The following NFKB1 variants were observed in gnomAD, a reference collection of about 807,000 sequenced individuals.
NFKB1 encodes the protein nuclear factor kappa B subunit 1.
NFKB1 carries 9 observed loss-of-function variants against 105.1 expected under a neutral mutation model. The ratio of observed to expected loss-of-function variants is 0.09; its 90% CI spans 0.05 to 0.15. NFKB1 has a LOEUF of 0.15. NFKB1 is among the 10% of genes least tolerant of loss of function. The pLI is 1.00. For missense variants in NFKB1, 830 were observed against 1,203.7 expected (o/e 0.69, Z 4.59); for synonymous variants, 440 against 442.2 (o/e 1.00, Z 0.06).
At chr4:102,586,880 A>G (rs1725751727) in intron 11 of NFKB1, among the ~76,000 whole-genome samples, 1 of 152,226 alleles carries the variant, frequency 6.6e-6, no homozygotes, top group African/African-American at 2.4e-5. Context: ...GCAAGATGTG[A>G]TAGGTAATCT....
intron 11 of NFKB1, 54 bp downstream of exon 11, chr4:102,584,874 G>A: frequency 1.3e-6 from 2 of 1,509,870 alleles, no homozygotes; most frequent in East Asian, 2.4e-5. Context: ...TTTATTTTTG[G>A]TTTTTGTTTT....
intron 6 of NFKB1, among the ~76,000 whole-genome samples, chr4:102,575,271 G>C (rs986249393): frequency 6.6e-6 from 1 of 152,068 alleles, no homozygotes; most frequent in Admixed American, 6.5e-5. Context: ...TTTTTCATCT[G>C]CCTGGACACG....
chr4:102,525,451 A>G, intron 1 of NFKB1, 61 bp from the exon 2 acceptor site: 6 of 1,504,530 alleles, frequency 4.0e-6, no homozygotes, highest in Non-Finnish European at 5.5e-6. Flanking sequence ...TTCCATGGTG[A>G]TAGAATTTTT....
chr4:102,600,292 G>T (rs1727028884), intron 15 of NFKB1, among the ~76,000 whole-genome samples: 1 of 152,192 alleles, frequency 6.6e-6, no homozygotes, highest in Non-Finnish European at 1.5e-5. Context: ...TGCAGGAGTG[G>T]TGGGAAATAC....
At chr4:102,548,905 A>G (rs1722347924) in intron 5 of NFKB1, among the ~76,000 whole-genome samples, 2 of 152,070 alleles carry the variant, frequency 1.3e-5, no homozygotes, top group South Asian at 2.1e-4. Flanking sequence ...TTAACTAATC[A>G]TAATTGCAAC....
intron 5 of NFKB1, among the ~76,000 whole-genome samples, chr4:102,563,569 T>C (rs1006846606): frequency 6.6e-6 from 1 of 152,224 alleles, no homozygotes; most frequent in Non-Finnish European, 1.5e-5. Context: ...TGTTGAGCAT[T>C]GTTGTAAAGG....
chr4:102,521,292 T>C (rs1476751933), intron 1 of NFKB1, among the ~76,000 whole-genome samples: 1 of 152,220 alleles, frequency 6.6e-6, no homozygotes, highest in African/African-American at 2.4e-5. Context: ...AAAATTCCTC[T>C]GTGGAAGAGG....
rs1190478658 is a variant in NFKB1 at position 102,501,451 on chromosome 4, G to A, written c.-345G>A. ...ACAGCTTCCCCTGCCCTTCCCGTCGGTCGGGCCGCCAGCCGCCGCAGCCCT... is the reference window on the plus strand; with the variant it reads ...ACAGCTTCCCCTGCCCTTCCCGTCGATCGGGCCGCCAGCCGCCGCAGCCCT... On this transcript the variant is annotated 5_prime_UTR_variant, in exon 1 of 24. Transcript: ENST00000226574. The A allele has an allele frequency of 2.7e-5, 4 of 150,536 alleles. No homozygotes were observed. The highest frequency in any genetic ancestry group is 9.7e-5 in the African/African-American group (4 of 41,280). 9.3% of individuals were successfully genotyped at this position (150,536 alleles called of 1,614,324 possible).
chr4:102,607,423 G>T, intron 18 of NFKB1, 104 bp downstream of exon 18: 2 of 1,312,286 alleles, frequency 1.5e-6, no homozygotes, highest in South Asian at 2.7e-5. Flanking sequence ...CTTACAATCA[G>T]CTCTATTTGT....
chr4:102,578,892 G>A lies in NFKB1; in HGVS notation c.583G>A (p.Glu195Lys), dbSNP rs2149184636. Residue 195 changes from glutamate (E) to lysine (K), a missense_variant, in exon 8 of 24, where the codon GAG becomes AAG. Transcript: ENST00000226574. Reference protein sequence around the residue: ...GDRQLGDREKELIRQAALQQT... With the variant: ...GDRQLGDREKKLIRQAALQQT... ...CTGTATGGCCCTAGATCGGGAAAAA[G>A]AGCTAATCCGCCAAGCAGCTCTGCA... 6.2e-7 allele frequency: 1 copy of A among 1,614,090 alleles called. No homozygotes were observed. The highest frequency in any genetic ancestry group is 8.5e-7 in the Non-Finnish European group (1 of 1,179,976).
intron 5 of NFKB1, among the ~76,000 whole-genome samples, chr4:102,551,885 A>G (rs1722647986): frequency 6.6e-6 from 1 of 152,222 alleles, no homozygotes; most frequent in Non-Finnish European, 1.5e-5. Flanking sequence ...ATTATATTTA[A>G]AAGATATAAA....
chr4:102,532,436 G>A (rs977804410), intron 3 of NFKB1, among the ~76,000 whole-genome samples: 1 of 152,140 alleles, frequency 6.6e-6, no homozygotes, highest in African/African-American at 2.4e-5. Context: ...AGACCAGCCT[G>A]GCCAAGATGG....
intron 16 of NFKB1, 152 bp from the exon 17 acceptor site, chr4:102,606,344 G>GA (rs1303426021): frequency 5.7e-6 from 4 of 703,958 alleles, no homozygotes; most frequent in Admixed American, 2.2e-5. Context: ...TATGGAACAG[G>GA]ATAACTTGGG....
intron 7 of NFKB1, chr4:102,577,962 A>G: frequency 1.0e-6 from 1 of 985,416 alleles, no homozygotes; most frequent in Non-Finnish European, 1.2e-6. Context: ...TTTTGCCTAC[A>G]AAATCCAAAT....
At chr4:102,606,131 G>GT in intron 16 of NFKB1, among the ~76,000 whole-genome samples, 1 of 152,302 alleles carries the variant, frequency 6.6e-6, no homozygotes, top group South Asian at 2.1e-4. Flanking sequence ...AGAAAAAATT[G>GT]TAAGTATATG....
chr4:102,612,103 A>G lies in NFKB1; in HGVS notation c.2412A>G (p.Leu804=). The change falls in exon 21 of 24, where the codon CTA becomes CTG. Residue 804 remains leucine (L), a synonymous_variant. Transcript: ENST00000226574. ...YEPEFTSDDL[L]AQGDMKQLAE... The stretch of plus-strand genomic sequence containing the variant: ...CAGAGTTTACATCTGATGATTTACT[A>G]GCACAAGGTGGGTTGTGATAAAACC... The G allele has an allele frequency of 1.2e-6, 2 of 1,613,792 alleles. No individual in the cohort carries two copies. Among genetic ancestry groups the G allele is most frequent in the Non-Finnish European group, 1.7e-6 (2 of 1,179,706 alleles).
At chr4:102,509,077 A>G (rs567338368) in intron 1 of NFKB1, among the ~76,000 whole-genome samples, 2 of 152,328 alleles carry the variant, frequency 1.3e-5, no homozygotes, top group South Asian at 2.1e-4. Context: ...ATGAAAAAAC[A>G]CTTTAGAAGT....
intron 2 of NFKB1, among the ~76,000 whole-genome samples, chr4:102,528,329 C>T (rs1578724537): frequency 6.6e-6 from 1 of 152,238 alleles, no homozygotes; most frequent in Middle Eastern, 3.4e-3. Context: ...TCCTTTTCAG[C>T]AAACAATGAA....
chr4:102,564,318 A>G (rs913651639), intron 5 of NFKB1, among the ~76,000 whole-genome samples: 2 of 152,260 alleles, frequency 1.3e-5, no homozygotes, highest in African/African-American at 2.4e-5. Flanking sequence ...CTCCGTCATC[A>G]TGACATCCTA....
Sources: allele counts gnomAD v4.1 joint callset (sites outside exome capture counted in the v4.1 genomes callset), GRCh38; gene constraint gnomAD v4.1.1; transcripts MANE v1.5; gene names NCBI Gene and HGNC (gene_info 2026-07-23, HGNC 2026-07-21).